Variants in SSB observed in about 807,000 individuals in gnomAD.
The protein encoded by SSB is lupus La protein.
SSB carries 17 observed loss-of-function variants against 52.9 expected under a neutral mutation model. That is an observed-to-expected ratio of 0.32 (90% CI 0.22 to 0.48). The LOEUF (loss-of-function observed/expected upper bound fraction) is 0.48, where lower values mean the gene tolerates loss of function less well. Among genes scored for constraint, SSB ranks in the 20% least tolerant of loss-of-function variants. SSB has a pLI of 0.99. For synonymous variants in SSB, 111 were observed against 152.1 expected, an observed-to-expected ratio of 0.73 and a Z score of 1.99; for missense variants, 314 against 463.6, an observed-to-expected ratio of 0.68 and a Z score of 2.96.
intron 1 of SSB, chr2:169,799,447 C>T (rs1027550880): frequency 3.3e-5 from 5 of 152,188 alleles, no homozygotes; most frequent in East Asian, 3.9e-4. Flanking sequence ...CAGATGTACA[C>T]CAGCGTCACT....
intron 1 of SSB, among the ~76,000 whole-genome samples, chr2:169,800,672 C>T (rs964866964): frequency 6.6e-6 from 1 of 151,632 alleles, no homozygotes; most frequent in Admixed American, 6.6e-5. Flanking sequence ...CTAAAGCTTG[C>T]TTGACCAGCT....
At chr2:169,800,900 T>G in intron 1 of SSB, 52 bp from the exon 2 acceptor site, 2 of 1,342,428 alleles carry the variant, frequency 1.5e-6, no homozygotes, top group South Asian at 2.7e-5. Flanking sequence ...ATCTTTCTAT[T>G]CTTGAGTTTT....
At chr2:169,809,080 T>C in intron 8 of SSB, 178 bp downstream of exon 8, 5 of 645,808 alleles carry the variant, frequency 7.7e-6, no homozygotes, top group African/African-American at 3.6e-5. Flanking sequence ...ATAGGAAATA[T>C]GTTCTAAAAT....
At position 169,811,945 on chromosome 2, in the gene SSB, G is replaced by T; in HGVS notation, c.*189G>T. On this transcript the variant is annotated 3_prime_UTR_variant, in exon 12 of 12. Transcript: ENST00000260956. Reference sequence around the variant, plus strand: ...TCTTTGAATGTATTGTTCTGTTTGTGTTATTTCAGATGATTCAAATATCAA... The same window carrying T: ...TCTTTGAATGTATTGTTCTGTTTGTTTTATTTCAGATGATTCAAATATCAA... 7.0e-7 allele frequency: 1 copy of T among 1,428,382 alleles called. No individual in the cohort carries two copies. Among genetic ancestry groups the T allele is most frequent in the Non-Finnish European group, 9.7e-7 (1 of 1,034,206 alleles). 88.5% of individuals were successfully genotyped at this position (1,428,382 alleles called of 1,614,324 possible).
At chr2:169,799,702 T>TA (rs1689668310) in intron 1 of SSB, among the ~76,000 whole-genome samples, 1 of 151,892 alleles carries the variant, frequency 6.6e-6, no homozygotes, top group Non-Finnish European at 1.5e-5. Flanking sequence ...AGACAATGCA[T>TA]AAAATTGAGT....
At chr2:169,811,412 C>T (rs1034086129) in intron 11 of SSB, 89 bp downstream of exon 11, 11 of 1,419,206 alleles carry the variant, frequency 7.8e-6, no homozygotes, top group Admixed American at 3.0e-5. Flanking sequence ...AGGGATTTGG[C>T]TTTTCAACTC....
intron 2 of SSB, among the ~76,000 whole-genome samples, chr2:169,802,293 C>T (rs149837883): frequency 0.013 from 1,957 of 151,800 alleles, 59 homozygotes; most frequent in African/African-American, 0.044. Flanking sequence ...AGAAAAAAAC[C>T]TTAAAATCTT....
chr2:169,805,405 TGTAGA>T (rs1426271508), intron 2 of SSB, 64 bp from the exon 3 acceptor site: 55 of 1,136,994 alleles, frequency 4.8e-5, no homozygotes, highest in African/African-American at 2.8e-4. Context: ...AACTTGGTAC[TGTAGA>T]GTAATGTCAG....
In SSB at chr2:169,808,513, A is replaced by G. The variant is rs745368217; in HGVS notation, c.586A>G (p.Arg196Gly). The G allele has an allele frequency of 6.2e-7, 1 of 1,613,822 alleles. No homozygotes were observed. The highest frequency in any genetic ancestry group is 1.1e-5 in the South Asian group (1 of 91,064). Reference sequence around the variant, plus strand: ...TTACTTTGCCAAAAAAAATGAAGAAAGAAAACAAAATAAAGTGGAAGCTAA... The same window carrying G: ...TTACTTTGCCAAAAAAAATGAAGAAGGAAAACAAAATAAAGTGGAAGCTAA... ...DDYFAKKNEE[R>G]KQNKVEAKLR... Residue 196 changes from arginine to glycine, a missense_variant, in exon 7 of 12, where the codon AGA (arginine) becomes GGA (glycine). By Grantham distance (125) the Arg-to-Gly change is moderately radical. Coordinates refer to ENST00000260956, the MANE Select transcript of SSB (RefSeq NM_003142.5).
chr2:169,809,378 T>C lies in SSB; in HGVS notation c.669+476T>C, dbSNP rs1052289213. ...CCTGGGTGACAGAGTGAGACCCTGT[T>C]TAAAAATAAAAAATATAATAAAACA... On this transcript the variant is annotated intron_variant, in intron 8 of 11. Coordinates refer to ENST00000260956, the MANE Select transcript of SSB (RefSeq NM_003142.5). Among the ~76,000 whole-genome samples, 3 of 152,234 alleles carry C rather than the reference T, an allele frequency of 2.0e-5. No homozygotes were observed. In the South Asian group the frequency reaches 6.2e-4, roughly 32 times the overall value.
chr2:169,805,335 T>G (rs1689807434), intron 2 of SSB, 139 bp from the exon 3 acceptor site: 2 of 611,778 alleles, frequency 3.3e-6, no homozygotes, highest in Admixed American at 6.5e-5. Context: ...TTTGTAAACA[T>G]TATTGTATAT....
At position 169,808,506 on chromosome 2, in the gene SSB, TGAA is replaced by T. The variant is rs1689876035; in HGVS notation, c.583_585del (p.Glu195del). 2 of 1,613,478 alleles carry T rather than the reference TGAA, an allele frequency of 1.2e-6. No individual in the cohort carries two copies. Among genetic ancestry groups the T allele is most frequent in the Non-Finnish European group, 1.7e-6 (2 of 1,179,748 alleles). On this transcript the variant is annotated inframe_deletion, in exon 7 of 12. Coordinates refer to ENST00000260956, the MANE Select transcript of SSB (RefSeq NM_003142.5). ...GGGACGATTACTTTGCCAAAAAAAA[TGAA>T]GAAAGAAAACAAAATAAAGTGGAAG...
At chr2:169,799,827 C>T (rs1303922449) in intron 1 of SSB, among the ~76,000 whole-genome samples, 4 of 152,130 alleles carry the variant, frequency 2.6e-5, no homozygotes, top group African/African-American at 9.7e-5. Flanking sequence ...GGAAGTGTAC[C>T]TACATCAGTT....
chr2:169,806,724 C>T, intron 4 of SSB, 61 bp from the exon 5 acceptor site: 3 of 1,318,844 alleles, frequency 2.3e-6, no homozygotes, highest in East Asian at 2.3e-5. Context: ...CAAATTCTCT[C>T]CAATTGTTTA....
Position 169,805,534 on chromosome 2 carries a change from G to T in SSB, c.127G>T (p.Asp43Tyr). 6.2e-7 allele frequency: 1 copy of T among 1,614,002 alleles called. No homozygotes were observed. The highest frequency in any genetic ancestry group is 8.5e-7 in the Non-Finnish European group (1 of 1,180,000). ...GTTTCTAAAGGAACAGATAAAACTG[G>T]ATGAAGGCTGGGTACCTTTGGAGAT... ...DKFLKEQIKL[D>Y]EGWVPLEIMI... The change falls in exon 3 of 12, where the codon GAT becomes TAT. Residue 43 changes from aspartate (D) to tyrosine (Y), a missense_variant. Coordinates refer to ENST00000260956, the MANE Select transcript of SSB (RefSeq NM_003142.5).
At chr2:169,804,119 AT>A in intron 2 of SSB, among the ~76,000 whole-genome samples, 1 of 151,952 alleles carries the variant, frequency 6.6e-6, no homozygotes, top group Middle Eastern at 3.4e-3. Flanking sequence ...TCTTGACAAA[AT>A]TTGTTTGTCT....
intron 11 of SSB, 81 bp downstream of exon 11, chr2:169,811,404 G>T: frequency 6.9e-7 from 1 of 1,446,800 alleles, no homozygotes; most frequent in East Asian, 2.5e-5. Context: ...GAGAGAATAG[G>T]GATTTGGCTT....
At chr2:169,810,800 A>C in intron 9 of SSB, 58 bp from the exon 10 acceptor site, 1 of 1,519,592 alleles carries the variant, frequency 6.6e-7, no homozygotes, top group Non-Finnish European at 8.9e-7. Context: ...TGGACAAAGA[A>C]ATTAATTGTG....
chr2:169,806,285 C>A (rs1339685340), intron 4 of SSB, among the ~76,000 whole-genome samples: 1 of 152,030 alleles, frequency 6.6e-6, no homozygotes, highest in Non-Finnish European at 1.5e-5. Context: ...TCTTCATAAA[C>A]GTGGATATTT....
Sources: gnomAD v4.1 joint callset for allele counts (sites outside exome capture counted in the v4.1 genomes callset) on GRCh38, gnomAD v4.1.1 for gene constraint, MANE v1.5 for transcripts, NCBI Gene and HGNC (gene_info 2026-07-23, HGNC 2026-07-21) for gene names.